Variants in GEMIN8 observed in about 807,000 individuals in gnomAD.
GEMIN8 encodes the protein gem nuclear organelle associated protein 8.
For synonymous variants in GEMIN8, 80 were observed against 78.5 expected, an observed-to-expected ratio of 1.02 and a Z score of -0.10; for missense variants, 185 against 205.9, an observed-to-expected ratio of 0.90 and a Z score of 0.62.
At chrX:14,001,892 G>A (rs1205246994), downstream of GEMIN8, among the ~76,000 whole-genome samples, 1 of 106,803 alleles carries the variant, frequency 9.4e-6, no homozygotes, top group African/African-American at 3.4e-5. Context: ...GGAGGCCGAG[G>A]TGGGCGGATC....
chrX:14,012,418 C>T (rs1222873713), intron 4 of GEMIN8, among the ~76,000 whole-genome samples: 1 of 111,173 alleles, frequency 9.0e-6, no homozygotes, highest in African/African-American at 3.3e-5. Flanking sequence ...AGCCACCGTG[C>T]CTGGCCCCTC....
chrX:14,014,325 A>G, intron 4 of GEMIN8: 1 of 752,331 alleles, frequency 1.3e-6, no homozygotes, highest in Non-Finnish European at 1.6e-6. Context: ...CACCCAGAAC[A>G]CAGGTACATG....
intron 2 of GEMIN8, among the ~76,000 whole-genome samples, chrX:14,022,827 C>A (rs752334629): frequency 8.9e-6 from 1 of 111,934 alleles, no homozygotes; most frequent in East Asian, 2.8e-4. Context: ...TTAAAACATT[C>A]CCCAACCCTT....
rs778354368 is a variant in GEMIN8 at position 14,021,654 on chromosome X, C to T, written c.-33-143G>A. On this transcript the variant is annotated intron_variant, in intron 2 of 4. Coordinates refer to ENST00000680255, the MANE Select transcript of GEMIN8 (RefSeq NM_001042479.2). ...GATTTCATGCAACCTATCTATATGACGTTGGTTCCTGGGCTATAACTTTGT... is the reference window on the plus strand; with the variant it reads ...GATTTCATGCAACCTATCTATATGATGTTGGTTCCTGGGCTATAACTTTGT... 44 of 419,937 alleles carry T rather than the reference C, an allele frequency of 1.0e-4. No homozygotes were observed. In the African/African-American group the frequency reaches 1.1e-3, roughly 10 times the overall value. The allele number at this position is 419,937 out of a possible 1,213,427, so 34.6% of individuals were successfully genotyped here.
chrX:14,018,691 A>G (rs1924091746), intron 4 of GEMIN8, among the ~76,000 whole-genome samples: 1 of 111,671 alleles, frequency 9.0e-6, no homozygotes, highest in African/African-American at 3.3e-5. Flanking sequence ...TGTGTAATAG[A>G]AAGTACTGTC....
rs998474848 is a variant in GEMIN8, at chrX:14,007,613, C to T, written c.*1300G>A. ...CTGGAGCTCGGCTCACTGCAAGCTC[C>T]GCCTCCTGGGTTCACGCCATTCTCC... On this transcript the variant is annotated 3_prime_UTR_variant, in exon 5 of 5. Coordinates refer to ENST00000680255, the MANE Select transcript of GEMIN8 (RefSeq NM_001042479.2). Among the ~76,000 whole-genome samples the T allele has an allele frequency of 1.1e-4, 12 of 109,746 alleles. No individual in the cohort carries two copies. The highest frequency in any genetic ancestry group is 4.0e-4 in the South Asian group (1 of 2,509).
At chrX:14,017,679 A>C (rs7055256) in intron 4 of GEMIN8, among the ~76,000 whole-genome samples, 41,690 of 110,742 alleles carry the variant, frequency 0.38, 6,281 homozygotes, top group African/African-American at 0.57. Context: ...TGTTCCTTGG[A>C]TTGTGGCGAC....
chrX:14,010,194 T>C (rs920511928), intron 4 of GEMIN8, among the ~76,000 whole-genome samples: 1 of 112,597 alleles, frequency 8.9e-6, no homozygotes, highest in African/African-American at 3.2e-5. Flanking sequence ...TTTAAATGGA[T>C]TCTTGTAAAG....
the GEMIN8 span, among the ~76,000 whole-genome samples, chrX:13,984,831 T>C: frequency 8.9e-6 from 1 of 111,810 alleles, no homozygotes; most frequent in African/African-American, 3.3e-5. Context: ...TGGGAAACAG[T>C]ATAGAACATG....
downstream of GEMIN8, among the ~76,000 whole-genome samples, chrX:14,005,992 C>T (rs1162688721): frequency 1.8e-5 from 2 of 110,289 alleles, no homozygotes; most frequent in Non-Finnish European, 3.8e-5. Context: ...GTGATCCTAT[C>T]AGTGAAGACA....
At chrX:14,013,156 C>T (rs1461356350) in intron 4 of GEMIN8, among the ~76,000 whole-genome samples, 2 of 111,795 alleles carry the variant, frequency 1.8e-5, no homozygotes, top group Non-Finnish European at 3.8e-5. Flanking sequence ...TTCCTTCCAA[C>T]GAAAACGGAT....
At chrX:13,991,943 C>T in the GEMIN8 span, among the ~76,000 whole-genome samples, 5 of 111,877 alleles carry the variant, frequency 4.5e-5, no homozygotes, top group South Asian at 3.8e-4. Context: ...TCTCTTCCTG[C>T]GGCAATGAAG....
the GEMIN8 span, among the ~76,000 whole-genome samples, chrX:13,988,364 G>C: frequency 1.8e-5 from 2 of 110,558 alleles, 1 homozygote; most frequent in African/African-American, 6.6e-5. Flanking sequence ...CCACATATGA[G>C]TTCTATCTGT....
intron 4 of GEMIN8, chrX:14,014,192 A>C: frequency 1.3e-6 from 1 of 750,757 alleles, no homozygotes; most frequent in South Asian, 6.8e-5. Context: ...CTTTCCTAGG[A>C]CTAGTACATC....
chrX:14,016,871 A>ATG (rs1181939872), intron 4 of GEMIN8, among the ~76,000 whole-genome samples: 1 of 52,869 alleles, frequency 1.9e-5, no homozygotes, highest in East Asian at 3.6e-4. Context: ...AAAAAAATAT[A>ATG]TATATATATA....
the GEMIN8 span, among the ~76,000 whole-genome samples, chrX:13,997,123 G>A: frequency 9.1e-6 from 1 of 109,762 alleles, no homozygotes; most frequent in Non-Finnish European, 1.9e-5. Flanking sequence ...TGCATTTTTA[G>A]TAGAGATGGG....
the GEMIN8 span, among the ~76,000 whole-genome samples, chrX:13,986,034 G>GT: frequency 9.0e-6 from 1 of 111,534 alleles, no homozygotes; most frequent in Non-Finnish European, 1.9e-5. Context: ...TTTCTATTTA[G>GT]TAACTACTGC....
At chrX:14,011,764 A>C (rs868614202) in intron 4 of GEMIN8, among the ~76,000 whole-genome samples, 1 of 111,338 alleles carries the variant, frequency 9.0e-6, no homozygotes, top group Non-Finnish European at 1.9e-5. Context: ...GTTTGAATGA[A>C]CACTGAGATC....
chrX:13,990,131 A>C, the GEMIN8 span, among the ~76,000 whole-genome samples: 1 of 112,922 alleles, frequency 8.9e-6, no homozygotes, highest in Admixed American at 9.3e-5. Context: ...ACATGTGGCT[A>C]GTTGTTACTG....
Sources: allele counts gnomAD v4.1 joint callset (sites outside exome capture counted in the v4.1 genomes callset), GRCh38; gene constraint gnomAD v4.1.1; transcripts MANE v1.5; gene names NCBI Gene and HGNC (gene_info 2026-07-23, HGNC 2026-07-21).